The following FBLN1 variants were observed in gnomAD, a reference collection of about 807,000 sequenced individuals.
The protein encoded by FBLN1 is fibulin-1.
Under a neutral mutation model 89.7 loss-of-function variants are expected in FBLN1, and 34 were observed. The ratio of observed to expected loss-of-function variants is 0.38; its 90% CI spans 0.29 to 0.50. The LOEUF (loss-of-function observed/expected upper bound fraction) is 0.50, where lower values mean the gene tolerates loss of function less well. Ranked by LOEUF, FBLN1 falls within the 20% of genes least tolerant of loss-of-function variation. The pLI is 0.92. For synonymous variants in FBLN1, 393 were observed against 391.3 expected (o/e 1.00, Z -0.05); for missense variants, 777 against 988.1 (o/e 0.79, Z 2.86).
intron 14 of FBLN1, among the ~76,000 whole-genome samples, chr22:45,567,965 G>T (rs1451918141): frequency 6.6e-6 from 1 of 152,190 alleles, no homozygotes; most frequent in East Asian, 1.9e-4. Flanking sequence ...GGAGGAAGGG[G>T]CTGGCGCAGG....
At chr22:45,524,062 G>A (rs2088287359) in intron 2 of FBLN1, among the ~76,000 whole-genome samples, 1 of 152,226 alleles carries the variant, frequency 6.6e-6, no homozygotes, top group East Asian at 1.9e-4. Context: ...AGTGAAATGT[G>A]TGCTAGCTCA....
rs1324539482 is a variant in FBLN1 at position 45,556,665 on chromosome 22, G to A, written c.1697+6050G>A. Among the ~76,000 whole-genome samples the A allele has an allele frequency of 6.6e-6, 1 of 152,028 alleles. No individual in the cohort carries two copies. Among genetic ancestry groups the A allele is most frequent in the African/African-American group, 2.4e-5 (1 of 41,388 alleles). On this transcript the variant is annotated intron_variant, in intron 14 of 16. Transcript: ENST00000327858. The surrounding 1 kb of genome is among the most constrained non-coding windows in gnomAD (Gnocchi z 4.6). ...AGACTGATTTCATCTTGATAGTCTG[G>A]GTCAGCCACCCCAGCCAACACTGTA...
chr22:45,519,803 G>GA (rs2088224891), intron 2 of FBLN1, among the ~76,000 whole-genome samples: 1 of 152,144 alleles, frequency 6.6e-6, no homozygotes, highest in African/African-American at 2.4e-5. Flanking sequence ...GGACCAACCT[G>GA]GTTGGGTTTC....
chr22:45,503,042 C>T lies in FBLN1; in HGVS notation c.57C>T (p.Gly19=), dbSNP rs1167870032. Residue 19 remains glycine, a synonymous_variant, in exon 1 of 17, where the codon GGC becomes GGT. Transcript: ENST00000327858. ...RVPLPLLLLG[G]LALLAAGVDA... is the part of the protein sequence containing the mutation. ...CGCTTCCGCTGCTGCTGCTCGGCGGCCTTGCGCTGCTGGCGGCCGGAGGTA... is the reference window on the plus strand; with the variant it reads ...CGCTTCCGCTGCTGCTGCTCGGCGGTCTTGCGCTGCTGGCGGCCGGAGGTA... 2 of 1,251,156 alleles carry T rather than the reference C, an allele frequency of 1.6e-6. No individual in the cohort carries two copies. Among genetic ancestry groups the T allele is most frequent in the South Asian group, 6.5e-5 (2 of 30,698 alleles). 77.5% of individuals were successfully genotyped at this position (1,251,156 alleles called of 1,614,324 possible).
intron 1 of FBLN1, among the ~76,000 whole-genome samples, chr22:45,506,996 A>C (rs754057732): frequency 6.6e-6 from 1 of 152,238 alleles, no homozygotes; most frequent in African/African-American, 2.4e-5. Flanking sequence ...ATATGGTTCC[A>C]GTTTCCTTGT....
At chr22:45,560,782 C>CT (rs1349889548) in intron 14 of FBLN1, among the ~76,000 whole-genome samples, 1 of 152,162 alleles carries the variant, frequency 6.6e-6, no homozygotes, top group African/African-American at 2.4e-5. Context: ...GGGTCACACT[C>CT]TCAACCTCAT....
chr22:45,551,517 C>T (rs1402738834), intron 14 of FBLN1, among the ~76,000 whole-genome samples: 2 of 152,254 alleles, frequency 1.3e-5, no homozygotes, highest in Admixed American at 1.3e-4. Flanking sequence ...GGTACCCGAG[C>T]AGCCCCGTTG....
Position 45,563,419 on chromosome 22 carries a change from CG to C in FBLN1, c.1698-11087del. 1 of 1,492,716 alleles carries C rather than the reference CG, an allele frequency of 6.7e-7. No individual in the cohort carries two copies. Among genetic ancestry groups the C allele is most frequent in the Non-Finnish European group, 8.9e-7 (1 of 1,119,454 alleles). 92.5% of individuals were successfully genotyped at this position (1,492,716 alleles called of 1,614,324 possible). Reference sequence around the variant, plus strand: ...TTGGGAGTCTGTGCCGCTTGTTACCCGGGGGTGAGCTGGGCACTGGCCACCG... The same window carrying C: ...TTGGGAGTCTGTGCCGCTTGTTACCCGGGGTGAGCTGGGCACTGGCCACCG... On this transcript the variant is annotated intron_variant, in intron 14 of 16. Transcript: ENST00000327858. This position sits in a 1 kb window ranked among gnomAD's most constrained non-coding sequence, Gnocchi z 5.7.
intron 16 of FBLN1, among the ~76,000 whole-genome samples, chr22:45,593,990 A>G (rs569875226): frequency 6.6e-6 from 1 of 152,336 alleles, no homozygotes; most frequent in African/African-American, 2.4e-5. Context: ...TGCAGTGGAA[A>G]GAGACCAGGT....
intron 1 of FBLN1, among the ~76,000 whole-genome samples, chr22:45,515,386 G>A (rs978598006): frequency 1.3e-5 from 2 of 152,188 alleles, no homozygotes; most frequent in Non-Finnish European, 2.9e-5. Flanking sequence ...CAGCTCTGGG[G>A]CTGCTCAGAA....
intron 10 of FBLN1, 138 bp from the exon 11 acceptor site, chr22:45,543,263 C>G (rs1293950626): frequency 1.8e-6 from 2 of 1,098,504 alleles, no homozygotes; most frequent in Admixed American, 4.0e-5. Context: ...GAGACTCCAT[C>G]TCAAAGATGA....
intron 3 of FBLN1, among the ~76,000 whole-genome samples, chr22:45,526,425 C>T (rs1420984349): frequency 6.6e-6 from 1 of 152,220 alleles, no homozygotes; most frequent in Admixed American, 6.5e-5. Context: ...TCCCTTACCA[C>T]CCAGCCAGCA....
Position 45,574,797 on chromosome 22 carries a change from T to G in FBLN1, c.1840+144T>G, listed in dbSNP as rs998700304. ...ACTTTCTTTTTTTTTTTTTTTTTTT[T>G]TTGAGACGGAGTCTCGCTCTGTCGC... On this transcript the variant is annotated intron_variant, in intron 15 of 16. Transcript: ENST00000327858. The surrounding 1 kb of genome is among the most constrained non-coding windows in gnomAD (Gnocchi z 4.1). The G allele has an allele frequency of 1.1e-5, 8 of 761,520 alleles. No individual in the cohort carries two copies. In the African/African-American group the frequency reaches 1.4e-4, roughly 14 times the overall value. 47.2% of individuals were successfully genotyped at this position (761,520 alleles called of 1,614,324 possible).
chr22:45,587,120 G>A (rs568695294), intron 16 of FBLN1, among the ~76,000 whole-genome samples: 2 of 152,250 alleles, frequency 1.3e-5, no homozygotes, highest in Admixed American at 6.5e-5. Flanking sequence ...CCCTCGTCAT[G>A]TACGTGCGCA....
At position 45,579,124 on chromosome 22, in the gene FBLN1, G is replaced by A. The variant is rs1463837966; in HGVS notation, c.1972+2016G>A. 6.6e-6 allele frequency among the ~76,000 whole-genome samples: 1 copy of A among 152,190 alleles called. No homozygotes were observed. Among genetic ancestry groups the A allele is most frequent in the Non-Finnish European group, 1.5e-5 (1 of 68,028 alleles). On this transcript the variant is annotated intron_variant, in intron 16 of 16. Transcript: ENST00000327858. The surrounding 1 kb of genome is among the most constrained non-coding windows in gnomAD (Gnocchi z 5.5). The stretch of plus-strand genomic sequence containing the variant: ...AGCCAAGAGGTTGGGCAGCTGCTGG[G>A]CCTAGAACCAGCACCCACCAGCGCC...
Position 45,600,530 on chromosome 22 carries a change from C to G in FBLN1, c.*84C>G. 6.6e-7 allele frequency: 1 copy of G among 1,512,364 alleles called. No individual in the cohort carries two copies. The highest frequency in any genetic ancestry group is 1.4e-5 in the African/African-American group (1 of 72,952). 93.7% of individuals were successfully genotyped at this position (1,512,364 alleles called of 1,614,324 possible). A position where few individuals can be genotyped will look rare whatever the true frequency, so the allele number is the denominator to read the frequency against. On this transcript the variant is annotated 3_prime_UTR_variant, in exon 17 of 17. Coordinates refer to ENST00000327858, the MANE Select transcript of FBLN1 (RefSeq NM_006486.3). ...ACTGTGGTCTGTACTTGTTTATACC[C>G]TCAGACTTTTTTAATGTTAGGTATT...
intron 16 of FBLN1, among the ~76,000 whole-genome samples, chr22:45,589,720 C>T (rs1601542996): frequency 1.3e-5 from 2 of 152,228 alleles, no homozygotes; most frequent in South Asian, 4.2e-4. Flanking sequence ...GCATGACTGG[C>T]CTGCCCTCTC....
At position 45,557,608 on chromosome 22, in the gene FBLN1, G is replaced by T. The variant is rs903658253; in HGVS notation, c.1697+6993G>T. Reference sequence around the variant, plus strand: ...ACAGGGGTGGCTGGGGAAAGAGGCCGAGTGGTGTCCACAGAATGAATCATC... The same window carrying T: ...ACAGGGGTGGCTGGGGAAAGAGGCCTAGTGGTGTCCACAGAATGAATCATC... On this transcript the variant is annotated intron_variant, in intron 14 of 16. Transcript: ENST00000327858. This position sits in a 1 kb window ranked among gnomAD's most constrained non-coding sequence, Gnocchi z 4.9. 6.6e-6 allele frequency among the ~76,000 whole-genome samples: 1 copy of T among 152,164 alleles called. No individual in the cohort carries two copies. Among genetic ancestry groups the T allele is most frequent in the South Asian group, 2.1e-4 (1 of 4,828 alleles).
intron 14 of FBLN1, among the ~76,000 whole-genome samples, chr22:45,570,192 T>C (rs1239325586): frequency 1.3e-5 from 2 of 149,908 alleles, no homozygotes; most frequent in African/African-American, 4.9e-5. Context: ...TGGTGGCAGG[T>C]GCCTGTAATC....
Sources: allele counts gnomAD v4.1 joint callset (sites outside exome capture counted in the v4.1 genomes callset), GRCh38; gene constraint gnomAD v4.1.1; non-coding constraint Gnocchi (gnomAD v3.1); transcripts MANE v1.5; gene names NCBI Gene and HGNC (gene_info 2026-07-23, HGNC 2026-07-21).